The following TMEM196 variants were observed in gnomAD, a reference collection of about 807,000 sequenced individuals.
TMEM196 encodes the protein transmembrane protein 196.
Under a neutral mutation model 20.0 loss-of-function variants are expected in TMEM196, and 17 were observed. The ratio of observed to expected loss-of-function variants is 0.85; its 90% CI spans 0.58 to 1.27. TMEM196 has a LOEUF of 1.27. Ranked by LOEUF, TMEM196 falls within the 50% of genes most tolerant of loss-of-function variation. The probability of loss-of-function intolerance (pLI) is 0.00; values close to 1 mark genes in which losing one functional copy is unlikely to be tolerated. For missense variants in TMEM196, 267 were observed against 223.0 expected (o/e 1.20, Z -1.26); for synonymous variants, 113 against 88.9 (o/e 1.27, Z -1.52).
chr7:19,740,738 C>T (rs560310555), intron 1 of TMEM196, among the ~76,000 whole-genome samples: 1 of 152,052 alleles, frequency 6.6e-6, no homozygotes, highest in Admixed American at 6.6e-5. Context: ...GTTTTGCCTG[C>T]CTATATCCAA....
chr7:19,728,346 A>T (rs769776474), intron 2 of TMEM196, among the ~76,000 whole-genome samples: 9 of 152,198 alleles, frequency 5.9e-5, no homozygotes, highest in Non-Finnish European at 1.3e-4. Flanking sequence ...GTAAAAAATG[A>T]TGGGAGAATC....
Position 19,725,683 on chromosome 7 carries a change from G to A in TMEM196, c.290C>T (p.Thr97Ile). 6.2e-7 allele frequency: 1 copy of A among 1,613,906 alleles called. No individual in the cohort carries two copies. ...FQFLRAVTKK[T>I]SSLYPLHLAS... ...AAGGTGCAGTGGGTATAGGGAGGAA[G>A]TTTTCTTTGTGACTGCCCGGAGGAA... The change falls in exon 3 of 5, where the codon ACT (threonine) becomes ATT (isoleucine). Residue 97 changes from threonine to isoleucine, a missense_variant. Coordinates refer to ENST00000405844, the MANE Select transcript of TMEM196 (RefSeq NM_001363562.2).
Position 19,744,067 on chromosome 7 carries a change from G to A in TMEM196, c.148-14629C>T, listed in dbSNP as rs373319740. The stretch of plus-strand genomic sequence containing the variant: ...TAATTGAAGTACAGTAATGGTCTAG[G>A]TGATTTATAAACTTAAGCTAATAAA... On this transcript the variant is annotated intron_variant, in intron 1 of 4. Coordinates refer to ENST00000405844, the MANE Select transcript of TMEM196 (RefSeq NM_001363562.2). 7.9e-5 allele frequency among the ~76,000 whole-genome samples: 12 copies of A among 152,114 alleles called. No homozygotes were observed. In the South Asian group the frequency reaches 1.7e-3, roughly 21 times the overall value.
chr7:19,730,931 G>T (rs1197078156), intron 1 of TMEM196, among the ~76,000 whole-genome samples: 2 of 152,092 alleles, frequency 1.3e-5, no homozygotes, highest in African/African-American at 4.8e-5. Flanking sequence ...AATAGAGCTA[G>T]AATAATGTGT....
chr7:19,741,963 T>C (rs904698930), intron 1 of TMEM196, among the ~76,000 whole-genome samples: 8 of 152,132 alleles, frequency 5.3e-5, no homozygotes, highest in African/African-American at 1.4e-4. Flanking sequence ...GAGATGCTAT[T>C]ACCTGCTATT....
At chr7:19,757,275 GC>G (rs531456316) in intron 1 of TMEM196, among the ~76,000 whole-genome samples, 127 of 148,058 alleles carry the variant, frequency 8.6e-4, no homozygotes, top group Non-Finnish European at 1.6e-3. Flanking sequence ...CAAGGTTCAA[GC>G]GATTCTCTCA....
chr7:19,758,528 T>G (rs936878418), intron 1 of TMEM196, among the ~76,000 whole-genome samples: 1 of 152,206 alleles, frequency 6.6e-6, no homozygotes, highest in African/African-American at 2.4e-5. Context: ...AAAAAACAGA[T>G]GATTTGGACT....
intron 1 of TMEM196, among the ~76,000 whole-genome samples, chr7:19,730,580 C>T (rs10252566): frequency 0.15 from 22,826 of 152,172 alleles, 2,279 homozygotes; most frequent in East Asian, 0.55. Flanking sequence ...CTAGTTTTCA[C>T]TGTTGTCGTT....
intron 4 of TMEM196, among the ~76,000 whole-genome samples, chr7:19,722,890 A>G (rs1783858967): frequency 6.6e-6 from 1 of 152,126 alleles, no homozygotes; most frequent in African/African-American, 2.4e-5. Flanking sequence ...CAACACAATA[A>G]AAAGTGATAG....
At chr7:19,747,137 C>A (rs1194494626) in intron 1 of TMEM196, among the ~76,000 whole-genome samples, 3 of 150,724 alleles carry the variant, frequency 2.0e-5, no homozygotes, top group Non-Finnish European at 4.5e-5. Context: ...CGCCTGTAGT[C>A]CCAGCTACTT....
At chr7:19,737,165 G>C (rs1273961940) in intron 1 of TMEM196, among the ~76,000 whole-genome samples, 1 of 151,928 alleles carries the variant, frequency 6.6e-6, no homozygotes. Context: ...GATCTGAACA[G>C]ACAACTGAAC....
chr7:19,741,656 A>C (rs192410500), intron 1 of TMEM196, among the ~76,000 whole-genome samples: 1 of 152,154 alleles, frequency 6.6e-6, no homozygotes, highest in South Asian at 2.1e-4. Context: ...TTGAGATGTC[A>C]ATACAAATAG....
At chr7:19,769,336 T>G (rs1785766837) in intron 1 of TMEM196, among the ~76,000 whole-genome samples, 1 of 151,954 alleles carries the variant, frequency 6.6e-6, no homozygotes, top group South Asian at 2.1e-4. Context: ...ATTATTATTA[T>G]TCAAAATATG....
chr7:19,743,704 C>A (rs987689389), intron 1 of TMEM196, among the ~76,000 whole-genome samples: 6 of 152,182 alleles, frequency 3.9e-5, no homozygotes, highest in African/African-American at 1.4e-4. Context: ...AATATCTCAT[C>A]TCTCCACATA....
chr7:19,748,585 C>A (rs973512794), intron 1 of TMEM196, among the ~76,000 whole-genome samples: 3 of 152,122 alleles, frequency 2.0e-5, no homozygotes, highest in African/African-American at 7.2e-5. Flanking sequence ...TGTCATGCTC[C>A]GTCTGATGAT....
intron 1 of TMEM196, among the ~76,000 whole-genome samples, chr7:19,770,959 G>GC: frequency 6.6e-6 from 1 of 151,980 alleles, no homozygotes; most frequent in South Asian, 2.1e-4. Context: ...GTTGGGGGCG[G>GC]GGATTGAGCT....
chr7:19,729,365 ACAAAT>A lies in TMEM196; in HGVS notation c.204+12_204+16del. ...TCATACACCTCAATGCACAATACAAACAAATCAAACACTTACGACAAGTCCTGATT... is the reference window on the plus strand; with the variant it reads ...TCATACACCTCAATGCACAATACAAACAAACACTTACGACAAGTCCTGATT... On this transcript the variant is annotated intron_variant, in intron 2 of 4. Coordinates refer to ENST00000405844, the MANE Select transcript of TMEM196 (RefSeq NM_001363562.2). 1.3e-6 allele frequency: 2 copies of A among 1,550,224 alleles called. No homozygotes were observed. The highest frequency in any genetic ancestry group is 1.7e-6 in the Non-Finnish European group (2 of 1,146,430).
intron 1 of TMEM196, among the ~76,000 whole-genome samples, chr7:19,762,014 A>G (rs1047088467): frequency 2.0e-5 from 3 of 152,140 alleles, no homozygotes; most frequent in Admixed American, 1.3e-4. Context: ...CTTTTTTAAA[A>G]AATTATCTCT....
rs1783748993 is a variant in TMEM196, at chr7:19,719,554, T to G, written c.*2574A>C. 6.6e-6 allele frequency: 1 copy of G among 152,038 alleles called. No homozygotes were observed. The highest frequency in any genetic ancestry group is 2.4e-5 in the African/African-American group (1 of 41,436). 9.4% of individuals were successfully genotyped at this position (152,038 alleles called of 1,614,324 possible). Reference sequence around the variant, plus strand: ...TACCACCACTCCAGTTTCACATAGTTTTTCTAATTTAGTATCACCTTACTT... The same window carrying G: ...TACCACCACTCCAGTTTCACATAGTGTTTCTAATTTAGTATCACCTTACTT... On this transcript the variant is annotated 3_prime_UTR_variant, in exon 5 of 5. Transcript: ENST00000405844.
Sources: gnomAD v4.1 joint callset for allele counts (sites outside exome capture counted in the v4.1 genomes callset) on GRCh38, gnomAD v4.1.1 for gene constraint, MANE v1.5 for transcripts, NCBI Gene and HGNC (gene_info 2026-07-23, HGNC 2026-07-21) for gene names.